The following PACRGL variants were observed in gnomAD, a reference collection of about 807,000 sequenced individuals.
PACRGL encodes the protein PACRG-like protein.
Under a neutral mutation model 34.5 loss-of-function variants are expected in PACRGL, and 38 were observed. That is an observed-to-expected ratio of 1.10 (90% confidence interval 0.85 to 1.44). The LOEUF (loss-of-function observed/expected upper bound fraction) is 1.44, where lower values mean the gene tolerates loss of function less well. PACRGL is among the 40% of genes most tolerant of loss of function. The probability of loss-of-function intolerance (pLI) is 0.00; values close to 1 mark genes in which losing one functional copy is unlikely to be tolerated. For synonymous variants in PACRGL, 128 were observed against 100.1 expected, an observed-to-expected ratio of 1.28 and a Z score of -1.66; for missense variants, 305 against 281.4, an observed-to-expected ratio of 1.08 and a Z score of -0.60.
chr4:20,751,220 G>A (rs199777972), intron 8 of PACRGL, among the ~76,000 whole-genome samples: 9 of 152,134 alleles, frequency 5.9e-5, no homozygotes, highest in Middle Eastern at 3.2e-3. Flanking sequence ...TACCAGCACC[G>A]TTTTCAGTGA....
At chr4:20,749,843 T>C in intron 8 of PACRGL, 2 of 621,316 alleles carry the variant, frequency 3.2e-6, no homozygotes, top group Non-Finnish European at 5.5e-6. Context: ...CTGCCTCCTT[T>C]AGTTTGTGCT....
chr4:20,765,467 T>C, the PACRGL span, among the ~76,000 whole-genome samples: 1 of 152,184 alleles, frequency 6.6e-6, no homozygotes, highest in Non-Finnish European at 1.5e-5. Flanking sequence ...CATTGTAGCT[T>C]GAGAGATTTG....
At chr4:20,750,566 C>T (rs1753429937) in intron 8 of PACRGL, among the ~76,000 whole-genome samples, 1 of 152,140 alleles carries the variant, frequency 6.6e-6, no homozygotes, top group South Asian at 2.1e-4. Flanking sequence ...CTTCCCCTCT[C>T]ATTTTTCCTT....
At position 20,723,913 on chromosome 4, in the gene PACRGL, A is replaced by G. The variant is rs145287814; in HGVS notation, c.610-895A>G. On this transcript the variant is annotated intron_variant, in intron 7 of 8. Transcript: ENST00000503585. ...GAGACAGACACCACTGAGGATGTCA[A>G]TGAGGTGCTATCGGATCCCCTTCGT... Among the ~76,000 whole-genome samples the G allele has an allele frequency of 5.1e-3, 780 of 152,266 alleles. 11 individuals are homozygous for G. Among genetic ancestry groups the G allele is most frequent in the African/African-American group, 0.016 (671 of 41,564 alleles).
In PACRGL at chr4:20,730,554, A is replaced by C. The variant is rs1747816815; in HGVS notation, c.*3213A>C. Among the ~76,000 whole-genome samples the C allele has an allele frequency of 6.6e-6, 1 of 152,178 alleles. No homozygotes were observed. Among genetic ancestry groups the C allele is most frequent in the Non-Finnish European group, 1.5e-5 (1 of 68,032 alleles). ...ATTTGTGTGTATGAGCCAGCAGTTC[A>C]TGAAGATTGGAGGCTGGCGCATAGG... On this transcript the variant is annotated 3_prime_UTR_variant, in exon 9 of 9. Transcript: ENST00000503585.
chr4:20,753,863 TA>T (rs1754056144), downstream of PACRGL, among the ~76,000 whole-genome samples: 1 of 152,100 alleles, frequency 6.6e-6, no homozygotes, highest in African/African-American at 2.4e-5. Context: ...AGCGGCTGCT[TA>T]AAAAATGTTT....
intron 8 of PACRGL, among the ~76,000 whole-genome samples, chr4:20,726,182 G>A (rs1200932790): frequency 6.6e-6 from 1 of 151,974 alleles, no homozygotes; most frequent in Non-Finnish European, 1.5e-5. Flanking sequence ...TGTGGAGGAG[G>A]AGATAGTATA....
chr4:20,718,495 G>A (rs553507302), intron 7 of PACRGL, among the ~76,000 whole-genome samples: 3 of 152,088 alleles, frequency 2.0e-5, no homozygotes, highest in Admixed American at 6.6e-5. Context: ...ATTATTTTGA[G>A]ATACGTCCCA....
chr4:20,701,787 C>G, intron 1 of PACRGL: 1 of 451,660 alleles, frequency 2.2e-6, no homozygotes, highest in Non-Finnish European at 4.5e-6. Flanking sequence ...TCCACCCATG[C>G]CAAAGTCCTC....
chr4:20,711,189 G>T (rs995116370), intron 5 of PACRGL, among the ~76,000 whole-genome samples: 2 of 151,908 alleles, frequency 1.3e-5, no homozygotes, highest in Admixed American at 1.3e-4. Flanking sequence ...GTCAAAACTG[G>T]TGATAGCTTT....
chr4:20,724,686 A>C, intron 7 of PACRGL, 122 bp from the exon 8 acceptor site: 2 of 444,750 alleles, frequency 4.5e-6, no homozygotes, highest in South Asian at 7.3e-5. Flanking sequence ...TTTCAATGAG[A>C]TGCTTCCTAA....
At chr4:20,712,101 C>T (rs192212624) in intron 5 of PACRGL, among the ~76,000 whole-genome samples, 6 of 152,030 alleles carry the variant, frequency 3.9e-5, no homozygotes, top group East Asian at 3.9e-4. Context: ...ATTATCCTAG[C>T]GAGTTTCCCT....
intron 8 of PACRGL, among the ~76,000 whole-genome samples, chr4:20,740,984 C>G (rs947242803): frequency 2.0e-5 from 3 of 152,236 alleles, no homozygotes; most frequent in East Asian, 1.9e-4. Flanking sequence ...AAGGCTATTA[C>G]ATAATGGTAA....
intron 8 of PACRGL, among the ~76,000 whole-genome samples, chr4:20,746,367 T>C (rs575926840): frequency 1.3e-5 from 2 of 151,482 alleles, no homozygotes; most frequent in Non-Finnish European, 2.9e-5. Context: ...CACCAGGGCA[T>C]GTCGGAGGGT....
chr4:20,747,885 T>C (rs1371857215), intron 8 of PACRGL, among the ~76,000 whole-genome samples: 1 of 152,192 alleles, frequency 6.6e-6, no homozygotes, highest in South Asian at 2.1e-4. Context: ...ACAAAGCCAT[T>C]TCACCCAGAT....
Position 20,729,335 on chromosome 4 carries a change from A to T in PACRGL, c.*1994A>T, listed in dbSNP as rs1478227058. ...TTAATGATTGATACTAATGATTGAT[A>T]CAATAGAAAACAGCCTGTAAGAAAG... On this transcript the variant is annotated 3_prime_UTR_variant, in exon 9 of 9. Transcript: ENST00000503585. 1 of 151,612 alleles carries T rather than the reference A, an allele frequency of 6.6e-6. No individual in the cohort carries two copies. Among genetic ancestry groups the T allele is most frequent in the Non-Finnish European group, 1.5e-5 (1 of 67,966 alleles). 9.4% of individuals were successfully genotyped at this position (151,612 alleles called of 1,614,324 possible). A position where few individuals can be genotyped will look rare whatever the true frequency, so the allele number is the denominator to read the frequency against.
rs1247551556 is a variant in PACRGL at position 20,732,467 on chromosome 4, G to A, written c.*5126G>A. Among the ~76,000 whole-genome samples the A allele has an allele frequency of 1.3e-5, 2 of 152,196 alleles. No homozygotes were observed. ...TTGTGAAACATGAGAACTGTTTAGTGTTGTATCTTGGATTTAGTGAATGTT... is the reference window on the plus strand; with the variant it reads ...TTGTGAAACATGAGAACTGTTTAGTATTGTATCTTGGATTTAGTGAATGTT... On this transcript the variant is annotated 3_prime_UTR_variant, in exon 9 of 9. Coordinates refer to ENST00000503585, the MANE Select transcript of PACRGL (RefSeq NM_001258345.3).
the PACRGL span, among the ~76,000 whole-genome samples, chr4:20,760,820 GAAAA>G: frequency 6.6e-6 from 1 of 151,998 alleles, no homozygotes; most frequent in Non-Finnish European, 1.5e-5. Flanking sequence ...TTGGAGTAAA[GAAAA>G]AAACAACCAA....
intron 1 of PACRGL, among the ~76,000 whole-genome samples, chr4:20,702,473 C>T (rs1732622617): frequency 6.6e-6 from 1 of 152,130 alleles, no homozygotes; most frequent in South Asian, 2.1e-4. Context: ...CACTTTGTAC[C>T]ATTGTAAAGA....
Sources: allele counts gnomAD v4.1 joint callset (sites outside exome capture counted in the v4.1 genomes callset), GRCh38; gene constraint gnomAD v4.1.1; transcripts MANE v1.5; gene names NCBI Gene and HGNC (gene_info 2026-07-23, HGNC 2026-07-21).